The following BLK variants were observed in gnomAD, a reference collection of about 807,000 sequenced individuals.
The protein encoded by BLK is BLK proto-oncogene, Src family tyrosine kinase.
In BLK, 64 loss-of-function variants were observed where a neutral mutation model predicts 61.8. The observed-to-expected ratio is 1.03, with a 90% confidence interval of 0.85 to 1.27. The LOEUF is 1.27. Among genes scored for constraint, BLK ranks in the 50% most tolerant of loss-of-function variants. BLK has a pLI of 0.00. For missense variants in BLK, 853 were observed against 660.5 expected, an observed-to-expected ratio of 1.29 and a Z score of -3.19; for synonymous variants, 351 against 272.0, an observed-to-expected ratio of 1.29 and a Z score of -2.86.
At chr8:11,524,783 G>C (rs896241512) in intron 1 of BLK, among the ~76,000 whole-genome samples, 1 of 152,156 alleles carries the variant, frequency 6.6e-6, no homozygotes, top group Admixed American at 6.5e-5. Flanking sequence ...TAAACCTCAC[G>C]ATCAGATGCT....
intron 3 of BLK, among the ~76,000 whole-genome samples, chr8:11,546,773 A>C (rs1349711420): frequency 2.0e-5 from 3 of 152,102 alleles, no homozygotes; most frequent in Non-Finnish European, 1.5e-5. Context: ...AGGGGGTTTC[A>C]CCATGTTGGC....
At chr8:11,555,131 C>G (rs1169464266) in intron 7 of BLK, among the ~76,000 whole-genome samples, 2 of 152,008 alleles carry the variant, frequency 1.3e-5, no homozygotes, top group African/African-American at 2.4e-5. Flanking sequence ...GTGAGCAGGT[C>G]GATTTTAGAG....
At chr8:11,527,640 A>G (rs1367649770) in intron 1 of BLK, among the ~76,000 whole-genome samples, 6 of 152,042 alleles carry the variant, frequency 3.9e-5, no homozygotes, top group African/African-American at 1.4e-4. Context: ...GATTGCTTGT[A>G]AAAGAAATCG....
At chr8:11,556,871 GAGGCGGGAGGGCCGGGCTTAGC>G in intron 9 of BLK, 34 bp downstream of exon 9, 1 of 1,608,596 alleles carries the variant, frequency 6.2e-7, no homozygotes, top group Non-Finnish European at 8.5e-7. Flanking sequence ...TCCTCAGAGC[GAGGCGGGAGGGCCGGGCTTAGC>G]AGGAGGAGGA....
chr8:11,536,559 G>A (rs1040308784), intron 1 of BLK, among the ~76,000 whole-genome samples: 3 of 151,876 alleles, frequency 2.0e-5, no homozygotes, highest in African/African-American at 7.3e-5. Context: ...ATTTTTATAG[G>A]CACGTGCCTG....
At position 11,515,638 on chromosome 8, in the gene BLK, C is replaced by T. The variant is rs148512523; in HGVS notation, c.-2+21047C>T. 4.9e-3 allele frequency among the ~76,000 whole-genome samples: 746 copies of T among 152,234 alleles called. 3 individuals are homozygous for T. The highest frequency in any genetic ancestry group is 0.016 in the African/African-American group (664 of 41,554). On this transcript the variant is annotated intron_variant, in intron 1 of 12. Transcript: ENST00000259089. ...TGCATTATTTTTCTGTCTTTAGAGG[C>T]CAGTCACTTACCTCCTTAATTTTCA...
At chr8:11,538,139 C>G (rs1048114772) in intron 1 of BLK, among the ~76,000 whole-genome samples, 1 of 152,218 alleles carries the variant, frequency 6.6e-6, no homozygotes, top group Non-Finnish European at 1.5e-5. Context: ...CACACGCATG[C>G]TCTCGCTCTC....
intron 1 of BLK, among the ~76,000 whole-genome samples, chr8:11,520,749 C>T (rs1032142110): frequency 2.0e-5 from 3 of 151,850 alleles, no homozygotes; most frequent in South Asian, 2.1e-4. Context: ...CTACACATTT[C>T]GAAAAAAGGC....
At chr8:11,535,612 G>A (rs371251826) in intron 1 of BLK, among the ~76,000 whole-genome samples, 7 of 152,178 alleles carry the variant, frequency 4.6e-5, no homozygotes, top group East Asian at 3.9e-4. Context: ...ATCAGAGCAC[G>A]CCCATTTTGT....
chr8:11,535,579 A>G (rs900054426), intron 1 of BLK, among the ~76,000 whole-genome samples: 2 of 152,340 alleles, frequency 1.3e-5, no homozygotes, highest in East Asian at 1.9e-4. Context: ...CTCCCAACTA[A>G]CAAGTGTGGA....
intron 1 of BLK, among the ~76,000 whole-genome samples, chr8:11,511,242 A>G (rs771911673): frequency 3.7e-4 from 57 of 152,272 alleles, no homozygotes; most frequent in Non-Finnish European, 7.4e-4. Context: ...TCACACAGCA[A>G]TGAGAACACA....
At chr8:11,519,399 G>T (rs1799351557) in intron 1 of BLK, among the ~76,000 whole-genome samples, 1 of 151,962 alleles carries the variant, frequency 6.6e-6, no homozygotes, top group Non-Finnish European at 1.5e-5. Context: ...CTAAACTGAG[G>T]GAAAAATTCT....
chr8:11,558,378 C>G (rs896482395), intron 10 of BLK: 3 of 378,656 alleles, frequency 7.9e-6, no homozygotes, highest in Non-Finnish European at 1.5e-5. Flanking sequence ...TTCCATTGAA[C>G]CCGGCAGGCA....
intron 1 of BLK, 40 bp from the exon 2 acceptor site, chr8:11,543,184 C>A (rs372864179): frequency 3.1e-6 from 5 of 1,612,464 alleles, no homozygotes; most frequent in Non-Finnish European, 4.2e-6. Context: ...TCTGAGGCCC[C>A]GCTCTCTCAT....
At chr8:11,495,613 A>G (rs1798335581) in intron 1 of BLK, among the ~76,000 whole-genome samples, 1 of 152,200 alleles carries the variant, frequency 6.6e-6, no homozygotes, top group Non-Finnish European at 1.5e-5. Flanking sequence ...ATTCCACAAC[A>G]TATTTCACCT....
rs1188358209 is a variant in BLK, at chr8:11,504,411, GA to G, written c.-2+9830del. On this transcript the variant is annotated intron_variant, in intron 1 of 12. Transcript: ENST00000259089. ...GAAAAGAAAAGAAAAGAAAAGAAAA[GA>G]AAAAAAAAAGAAAAGATCCCATTCA... 4.9e-3 allele frequency among the ~76,000 whole-genome samples: 535 copies of G among 108,684 alleles called. 7 individuals carry two copies. The highest frequency in any genetic ancestry group is 0.014 in the African/African-American group (436 of 31,408). 71.3% of individuals were successfully genotyped at this position (108,684 alleles called of 152,430 possible).
At chr8:11,514,789 A>G (rs559708163) in intron 1 of BLK, among the ~76,000 whole-genome samples, 3 of 152,288 alleles carry the variant, frequency 2.0e-5, no homozygotes, top group Admixed American at 2.0e-4. Flanking sequence ...TGGGGGTGAG[A>G]GGTAAAAAAT....
At chr8:11,546,656 A>G (rs1205391029) in intron 3 of BLK, among the ~76,000 whole-genome samples, 2 of 151,798 alleles carry the variant, frequency 1.3e-5, no homozygotes, top group Non-Finnish European at 2.9e-5. Flanking sequence ...GCTCACTGCA[A>G]CCTCCACCTC....
At chr8:11,547,411 C>T (rs575013580) in intron 3 of BLK, among the ~76,000 whole-genome samples, 166 of 152,318 alleles carry the variant, frequency 1.1e-3, no homozygotes, top group African/African-American at 3.8e-3. Context: ...AGAGAGCCTG[C>T]GTCACAGCAG....
Sources: gnomAD v4.1 joint callset for allele counts (sites outside exome capture counted in the v4.1 genomes callset) on GRCh38, gnomAD v4.1.1 for gene constraint, MANE v1.5 for transcripts, NCBI Gene and HGNC (gene_info 2026-07-23, HGNC 2026-07-21) for gene names.